The following PDK1 variants were observed in gnomAD, a reference collection of about 807,000 sequenced individuals.
PDK1 encodes pyruvate dehydrogenase kinase 1.
A neutral mutation model predicts 54.2 loss-of-function variants in PDK1; 39 were observed. The ratio of observed to expected loss-of-function variants is 0.72; its 90% confidence interval spans 0.56 to 0.94. PDK1 has a LOEUF of 0.94. Ranked by LOEUF, PDK1 falls within the 40% of genes least tolerant of loss-of-function variation. PDK1 has a pLI of 0.00. For synonymous variants in PDK1, 221 were observed against 207.1 expected (o/e 1.07, Z -0.58); for missense variants, 552 against 566.0 (o/e 0.98, Z 0.25).
the PDK1 span, among the ~76,000 whole-genome samples, chr2:172,651,674 A>G: frequency 6.6e-6 from 1 of 152,260 alleles, no homozygotes; most frequent in Non-Finnish European, 1.5e-5. Flanking sequence ...CTACCATCAG[A>G]GAATACTATA....
At chr2:172,559,293 T>G (rs1470412418) in intron 2 of PDK1, among the ~76,000 whole-genome samples, 1 of 152,024 alleles carries the variant, frequency 6.6e-6, no homozygotes, top group East Asian at 1.9e-4. Flanking sequence ...TGGGGGCAGG[T>G]GGGGGCAATG....
chr2:172,572,541 A>G (rs1216421422), intron 8 of PDK1, among the ~76,000 whole-genome samples: 3 of 152,104 alleles, frequency 2.0e-5, no homozygotes, highest in Non-Finnish European at 2.9e-5. Context: ...CCTGGCCAAC[A>G]TGGTGAAACC....
At chr2:172,722,297 G>C in the PDK1 span, among the ~76,000 whole-genome samples, 1 of 152,240 alleles carries the variant, frequency 6.6e-6, no homozygotes, top group Non-Finnish European at 1.5e-5. Context: ...AGCTCTTAGA[G>C]ATATTGAGGT....
the PDK1 span, among the ~76,000 whole-genome samples, chr2:172,632,980 C>CAAAAAAA: frequency 2.7e-5 from 2 of 75,466 alleles, no homozygotes; most frequent in South Asian, 5.6e-4. Context: ...GATTCTGTCT[C>CAAAAAAA]AAAAAAAAAA....
chr2:172,614,093 C>T, the PDK1 span, among the ~76,000 whole-genome samples: 6 of 152,112 alleles, frequency 3.9e-5, no homozygotes, highest in Admixed American at 6.5e-5. Context: ...TGGGAGCTCG[C>T]GGGTGCAGCC....
chr2:172,627,766 A>G, the PDK1 span, among the ~76,000 whole-genome samples: 1 of 152,206 alleles, frequency 6.6e-6, no homozygotes, highest in Non-Finnish European at 1.5e-5. Flanking sequence ...ATCAAGGGAT[A>G]TTTGGTTCCC....
chr2:172,580,560 A>G (rs1022545429), intron 8 of PDK1, among the ~76,000 whole-genome samples: 3 of 152,156 alleles, frequency 2.0e-5, no homozygotes, highest in Admixed American at 6.5e-5. Flanking sequence ...ATCTGTCTTT[A>G]TGATGTAAAG....
At position 172,599,646 on chromosome 2, in the gene PDK1, C is replaced by T. The variant is rs953486494; in HGVS notation, c.*3677C>T. The T allele has an allele frequency of 2.6e-5, 4 of 152,114 alleles. No homozygotes were observed. Among genetic ancestry groups the T allele is most frequent in the African/African-American group, 4.8e-5 (2 of 41,432 alleles). 9.4% of individuals were successfully genotyped at this position (152,114 alleles called of 1,614,324 possible). On this transcript the variant is annotated 3_prime_UTR_variant, in exon 11 of 11. Coordinates refer to ENST00000282077, the MANE Select transcript of PDK1 (RefSeq NM_002610.5). Reference sequence around the variant, plus strand: ...AGAATTTTTTGCATGTTAAAAAAAGCAAACCACTAGTTTGCTTAGTTCTGG... The same window carrying T: ...AGAATTTTTTGCATGTTAAAAAAAGTAAACCACTAGTTTGCTTAGTTCTGG...
chr2:172,587,460 C>T (rs548228951), intron 9 of PDK1, among the ~76,000 whole-genome samples: 1 of 151,508 alleles, frequency 6.6e-6, no homozygotes, highest in African/African-American at 2.4e-5. Flanking sequence ...AAAGGTGGCA[C>T]GTCCAGAGTT....
rs56355417 is a variant in PDK1 at position 172,592,964 on chromosome 2, A to C, written c.1086A>C (p.Ser362=). The C allele has an allele frequency of 6.2e-7, 1 of 1,612,306 alleles. No individual in the cohort carries two copies. The highest frequency in any genetic ancestry group is 2.2e-5 in the East Asian group (1 of 44,802). Reference sequence around the variant, plus strand: ...GTTTTGGTTATGGATTGCCCATATCACGTCTTTACGCACAATACTTCCAAG... The same window carrying C: ...GTTTTGGTTATGGATTGCCCATATCCCGTCTTTACGCACAATACTTCCAAG... ...LAGFGYGLPI[S]RLYAQYFQGD... is the part of the protein sequence containing the mutation. Residue 362 remains serine (S), a synonymous_variant, in exon 10 of 11, where the codon TCA becomes TCC. Coordinates refer to ENST00000282077, the MANE Select transcript of PDK1 (RefSeq NM_002610.5).
In PDK1 at chr2:172,558,718, T is replaced by C. The variant is rs765401270; in HGVS notation, c.207T>C (p.Asn69=). 6.2e-7 allele frequency: 1 copy of C among 1,604,858 alleles called. No homozygotes were observed. Among genetic ancestry groups the C allele is most frequent in the Non-Finnish European group, 8.5e-7 (1 of 1,177,656 alleles). ...MKQFLDFGSV[N]ACEKTSFMFL... ...CATGTTTGGTTTCAGGATCAGTGAA[T>C]GCTTGTGAAAAGACCTCATTTATGT... The change falls in exon 2 of 11, where the codon AAT becomes AAC. Residue 69 remains asparagine, a synonymous_variant. Coordinates refer to ENST00000282077, the MANE Select transcript of PDK1 (RefSeq NM_002610.5).
the PDK1 span, among the ~76,000 whole-genome samples, chr2:172,645,821 A>T: frequency 6.6e-6 from 1 of 152,224 alleles, no homozygotes; most frequent in Non-Finnish European, 1.5e-5. Context: ...ACCTGGCAGA[A>T]AGGATGTTTG....
chr2:172,720,437 T>C, the PDK1 span, among the ~76,000 whole-genome samples: 2 of 152,134 alleles, frequency 1.3e-5, no homozygotes, highest in African/African-American at 4.8e-5. Context: ...ATGTTGCTGC[T>C]CTACCCCCAG....
chr2:172,661,749 A>C, the PDK1 span, among the ~76,000 whole-genome samples: 11 of 152,332 alleles, frequency 7.2e-5, no homozygotes, highest in Non-Finnish European at 1.6e-4. Context: ...GGAGCTAGAC[A>C]TGAGTTACAC....
At chr2:172,609,585 A>G (rs1691399527), downstream of PDK1, among the ~76,000 whole-genome samples, 1 of 152,224 alleles carries the variant, frequency 6.6e-6, no homozygotes, top group Non-Finnish European at 1.5e-5. Flanking sequence ...GAGTCCAAAC[A>G]ACCCAAAGAA....
the PDK1 span, among the ~76,000 whole-genome samples, chr2:172,655,008 G>A: frequency 6.6e-6 from 1 of 152,108 alleles, no homozygotes; most frequent in Non-Finnish European, 1.5e-5. Flanking sequence ...CTACCCCATA[G>A]ATGGACAAAA....
At position 172,593,032 on chromosome 2, in the gene PDK1, C is replaced by T; in HGVS notation, c.1154C>T (p.Ala385Val). ...TCCCTAGAGGGTTACGGGACAGATG[C>T]AGTTATCTACATTAAGGTAATAGCT... Reference protein sequence around the residue: ...LYSLEGYGTDAVIYIKALSTD... With the variant: ...LYSLEGYGTDVVIYIKALSTD... Residue 385 changes from alanine (A) to valine (V), a missense_variant, in exon 10 of 11, where the codon GCA (alanine) becomes GTA (valine). Ala to Val is a moderately conservative substitution (Grantham distance 64). Coordinates refer to ENST00000282077, the MANE Select transcript of PDK1 (RefSeq NM_002610.5). The T allele has an allele frequency of 6.5e-7, 1 of 1,543,620 alleles. No individual in the cohort carries two copies. Among genetic ancestry groups the T allele is most frequent in the South Asian group, 1.1e-5 (1 of 89,636 alleles).
At chr2:172,653,843 C>T in the PDK1 span, among the ~76,000 whole-genome samples, 1 of 152,122 alleles carries the variant, frequency 6.6e-6, no homozygotes, top group Admixed American at 6.6e-5. Context: ...AGGCAACCTA[C>T]AGAACGGGAG....
intron 10 of PDK1, 58 bp downstream of exon 10, chr2:172,593,106 A>G (rs1475258715): frequency 3.4e-6 from 3 of 878,502 alleles, no homozygotes; most frequent in Non-Finnish European, 5.6e-6. Context: ...ACAGATGTCC[A>G]TACTTAACTG....
Sources: gnomAD v4.1 joint callset for allele counts (sites outside exome capture counted in the v4.1 genomes callset) on GRCh38, gnomAD v4.1.1 for gene constraint, MANE v1.5 for transcripts, NCBI Gene and HGNC (gene_info 2026-07-23, HGNC 2026-07-21) for gene names.